FZR1: variants seen among roughly 807,000 people sequenced by gnomAD.
The protein encoded by FZR1 is fizzy-related protein homolog.
FZR1 carries 11 observed loss-of-function variants against 63.6 expected under a neutral mutation model. The observed-to-expected ratio is 0.17, with a 90% CI of 0.11 to 0.29. The LOEUF is 0.29. Among genes scored for constraint, FZR1 ranks in the 10% least tolerant of loss-of-function variants. The pLI, the probability that FZR1 is intolerant of heterozygous loss-of-function variation, is 1.00. For synonymous variants in FZR1, 328 were observed against 297.9 expected (o/e 1.10, Z -1.04); for missense variants, 440 against 687.5 (o/e 0.64, Z 4.03).
At chr19:3,524,523 G>C (rs1414388404) in intron 2 of FZR1, among the ~76,000 whole-genome samples, 1 of 152,228 alleles carries the variant, frequency 6.6e-6, no homozygotes, top group South Asian at 2.1e-4. Context: ...CCATGACTGC[G>C]TCACAGGCTG....
intron 1 of FZR1, among the ~76,000 whole-genome samples, chr19:3,522,640 G>A (rs979032815): frequency 1.2e-4 from 18 of 152,232 alleles, no homozygotes; most frequent in African/African-American, 4.1e-4. Flanking sequence ...GCTCAGGGAA[G>A]AGTCCTTGTC....
Position 3,526,072 on chromosome 19 carries a change from G to T in FZR1, c.196-48G>T. The T allele has an allele frequency of 6.2e-7, 1 of 1,611,918 alleles. No homozygotes were observed. The highest frequency in any genetic ancestry group is 8.5e-7 in the Non-Finnish European group (1 of 1,179,326). On this transcript the variant is annotated intron_variant, in intron 3 of 13. Transcript: ENST00000441788. The surrounding 1 kb of genome is among the most constrained non-coding windows in gnomAD (Gnocchi z 5.4). ...CCCAGCCTCCTTGCTCTAGGGCCGG[G>T]AACAAGCGGGCTCCTCGACCCCTCC... is the stretch of plus-strand genomic sequence containing the variant.
chr19:3,528,680 TGGGTGAGC>T (rs2083189204), intron 7 of FZR1, among the ~76,000 whole-genome samples: 1 of 146,480 alleles, frequency 6.8e-6, no homozygotes, highest in Non-Finnish European at 1.5e-5. Flanking sequence ...AGAGAGTGGA[TGGGTGAGC>T]GGATGAGAGA....
intron 1 of FZR1, among the ~76,000 whole-genome samples, chr19:3,508,265 C>G (rs1310339337): frequency 7.2e-6 from 1 of 139,172 alleles, no homozygotes; most frequent in East Asian, 2.2e-4. Context: ...GGCGCGATCT[C>G]GGCTCACCGC....
At chr19:3,521,637 G>T (rs1207444850) in intron 1 of FZR1, among the ~76,000 whole-genome samples, 1 of 152,092 alleles carries the variant, frequency 6.6e-6, no homozygotes, top group Non-Finnish European at 1.5e-5. Flanking sequence ...GAGTAGCTGG[G>T]ATTACAGGCA....
Position 3,536,444 on chromosome 19 carries a change from TCTTA to T in FZR1, c.*1611_*1614del, listed in dbSNP as rs954206130. ...CAGTGTGGATTTCCAGTGGTCACGGTCTTACTGTTTCAAGGTTTTTAAATAAGAA... is the reference window on the plus strand; with the variant it reads ...CAGTGTGGATTTCCAGTGGTCACGGTCTGTTTCAAGGTTTTTAAATAAGAA... On this transcript the variant is annotated 3_prime_UTR_variant, in exon 14 of 14. Coordinates refer to ENST00000441788, the MANE Select transcript of FZR1 (RefSeq NM_016263.4). 3 of 151,776 alleles carry T rather than the reference TCTTA, an allele frequency of 2.0e-5. No individual in the cohort carries two copies. Among genetic ancestry groups the T allele is most frequent in the Admixed American group, 6.6e-5 (1 of 15,264 alleles). 9.4% of individuals were successfully genotyped at this position (151,776 alleles called of 1,614,324 possible).
At chr19:3,520,625 C>G (rs1181284983) in intron 1 of FZR1, among the ~76,000 whole-genome samples, 1 of 152,350 alleles carries the variant, frequency 6.6e-6, no homozygotes, top group South Asian at 2.1e-4. Flanking sequence ...CCCATGTGGC[C>G]GAGCCAGGGA....
Position 3,534,957 on chromosome 19 carries a change from G to GGA in FZR1, c.*123_*124dup. On this transcript the variant is annotated 3_prime_UTR_variant, in exon 14 of 14. Coordinates refer to ENST00000441788, the MANE Select transcript of FZR1 (RefSeq NM_016263.4). ...CCGAGGAAGGCGGCTGGGCGGGCGG[G>GGA]GAGCTGGGCCTGGAGGATCCTGGAG... 1 of 794,828 alleles carries GGA rather than the reference G, an allele frequency of 1.3e-6. No homozygotes were observed. The highest frequency in any genetic ancestry group is 2.2e-6 in the Non-Finnish European group (1 of 461,972). 49.2% of individuals were successfully genotyped at this position (794,828 alleles called of 1,614,324 possible). A position where few individuals can be genotyped will look rare whatever the true frequency, so the allele number is the denominator to read the frequency against.
chr19:3,523,948 G>A (rs150728373), intron 2 of FZR1, among the ~76,000 whole-genome samples: 1 of 152,360 alleles, frequency 6.6e-6, no homozygotes, highest in East Asian at 1.9e-4. Flanking sequence ...CCCCTGTGCG[G>A]TGCGGCCCCC....
chr19:3,519,436 G>A (rs1476261207), intron 1 of FZR1, among the ~76,000 whole-genome samples: 1 of 152,206 alleles, frequency 6.6e-6, no homozygotes. Context: ...CAAGGAGGGC[G>A]GAGGGCTGGC....
chr19:3,506,906 A>G (rs987655138), intron 1 of FZR1, among the ~76,000 whole-genome samples: 1 of 151,940 alleles, frequency 6.6e-6, no homozygotes, highest in African/African-American at 2.4e-5. Context: ...GGGACTTCCC[A>G]GTTCAGACCC....
chr19:3,533,308 C>T lies in FZR1; in HGVS notation c.1257C>T (p.Gly419=), dbSNP rs3180190. 1 of 1,609,600 alleles carries T rather than the reference C, an allele frequency of 6.2e-7. No individual in the cohort carries two copies. Among genetic ancestry groups the T allele is most frequent in the Non-Finnish European group, 8.5e-7 (1 of 1,176,810 alleles). The change falls in exon 12 of 14, where the codon GGC becomes GGT. Residue 419 remains glycine (G), a synonymous_variant. Coordinates refer to ENST00000441788, the MANE Select transcript of FZR1 (RefSeq NM_016263.4). The surrounding 1 kb of genome is among the most constrained non-coding windows in gnomAD (Gnocchi z 4.9). ...CCGCCCTCCAGGTGAGCACGCACGG[C>T]TACTCACAGAACCAGATCCTTGTCT... ...KHANELVSTH[G]YSQNQILVWK... is the part of the protein sequence containing the mutation.
At chr19:3,523,510 C>T (rs1568233653) in intron 2 of FZR1, among the ~76,000 whole-genome samples, 1 of 152,238 alleles carries the variant, frequency 6.6e-6, no homozygotes, top group Non-Finnish European at 1.5e-5. Flanking sequence ...CACAGGGTCT[C>T]GGGGCTGGTG....
At position 3,534,810 on chromosome 19, in the gene FZR1, C is replaced by G; in HGVS notation, c.1456C>G (p.Leu486Val). 6.2e-7 allele frequency: 1 copy of G among 1,612,982 alleles called. No individual in the cohort carries two copies. Among genetic ancestry groups the G allele is most frequent in the Non-Finnish European group, 8.5e-7 (1 of 1,179,742 alleles). The change falls in exon 14 of 14, where the codon CTC (leucine) becomes GTC (valine). Residue 486 changes from leucine (L) to valine (V), a missense_variant. By Grantham distance (32) the Leu-to-Val change is conservative. Around this residue, in one of 5 missense-constraint regions of FZR1, gnomAD observed 28 missense variants for 26.3 expected, o/e 1.06. Coordinates refer to ENST00000441788, the MANE Select transcript of FZR1 (RefSeq NM_016263.4). Reference sequence around the variant, plus strand: ...GTGTCTGCAGGAGTCTGTGTCTGTGCTCAACCTCTTCACCAGGATCCGGTA... The same window carrying G: ...GTGTCTGCAGGAGTCTGTGTCTGTGGTCAACCTCTTCACCAGGATCCGGTA... Reference protein sequence around the residue: ...TRSTKESVSVLNLFTRIR With the variant: ...TRSTKESVSVVNLFTRIR
At chr19:3,529,238 ATGAGAGTGGTTGAGGGAGTG>A in intron 7 of FZR1, among the ~76,000 whole-genome samples, 2 of 121,146 alleles carry the variant, frequency 1.7e-5, no homozygotes, top group African/African-American at 3.1e-5. Flanking sequence ...GGGAGAGCGG[ATGAGAGTGGTTGAGGGAGTG>A]GATGGGAGAG....
chr19:3,506,712 T>G (rs2122095368), intron 1 of FZR1, among the ~76,000 whole-genome samples: 1 of 151,570 alleles, frequency 6.6e-6, no homozygotes, highest in Non-Finnish European at 1.5e-5. Flanking sequence ...CGTCGGGGCC[T>G]GCCGTGACCC....
chr19:3,528,202 G>A (rs1331711766), intron 7 of FZR1, among the ~76,000 whole-genome samples: 10 of 152,284 alleles, frequency 6.6e-5, no homozygotes, highest in Admixed American at 1.3e-4. Flanking sequence ...TATGACCACC[G>A]AGTGGCCGCT....
rs751242023 is a variant in FZR1 at position 3,534,509 on chromosome 19, C to G, written c.1436C>G (p.Thr479Arg). ...FWNVFSKTRS[T>R]KESVSVLNLF... ...AACGTCTTTAGCAAAACCCGTTCGA[C>G]AAAGGTAAAGTGGGTCGGTATCAGC... The change falls in exon 13 of 14, where the codon ACA (threonine) becomes AGA (arginine). Residue 479 changes from threonine (T) to arginine (R), a missense_variant. Coordinates refer to ENST00000441788, the MANE Select transcript of FZR1 (RefSeq NM_016263.4). The G allele has an allele frequency of 6.2e-7, 1 of 1,602,272 alleles. No homozygotes were observed. Among genetic ancestry groups the G allele is most frequent in the South Asian group, 1.1e-5 (1 of 89,640 alleles).
Position 3,525,432 on chromosome 19 carries a change from C to CTTTTTTTTTTTTTT in FZR1, c.70-421_70-408dup, listed in dbSNP as rs57486013. Among the ~76,000 whole-genome samples, 5 of 68,742 alleles carry CTTTTTTTTTTTTTT rather than the reference C, an allele frequency of 7.3e-5. 1 individual carries two copies. The highest frequency in any genetic ancestry group is 3.0e-4 in the African/African-American group (5 of 16,546). The allele number at this position is 68,742 out of a possible 152,430, so 45.1% of individuals were successfully genotyped here. On this transcript the variant is annotated intron_variant, in intron 2 of 13. Coordinates refer to ENST00000441788, the MANE Select transcript of FZR1 (RefSeq NM_016263.4). The surrounding 1 kb of genome is among the most constrained non-coding windows in gnomAD (Gnocchi z 4.2). ...TGTGTGGCTCCCCTCCTTGGGTTTT[C>CTTTTTTTTTTTTTT]TTTTTTTTTTTTTTTTTTTTTTTTT...
Sources: gnomAD v4.1 joint callset for allele counts (sites outside exome capture counted in the v4.1 genomes callset) on GRCh38, gnomAD v4.1.1 for gene constraint, gnomAD v4.1.1 regional missense constraint, Gnocchi (gnomAD v3.1) non-coding constraint, MANE v1.5 for transcripts, NCBI Gene and HGNC (gene_info 2026-07-23, HGNC 2026-07-21) for gene names.